UHRF2: variants seen among roughly 807,000 people sequenced by gnomAD.
The protein encoded by UHRF2 is ubiquitin like with PHD and ring finger domains 2.
In UHRF2, 23 loss-of-function variants were observed where a neutral mutation model predicts 96.8. The ratio of observed to expected loss-of-function variants is 0.24; its 90% CI spans 0.17 to 0.34. UHRF2 has a LOEUF of 0.34. Ranked by LOEUF, UHRF2 falls within the 10% of genes least tolerant of loss-of-function variation. The probability of loss-of-function intolerance (pLI) is 1.00; values close to 1 mark genes in which losing one functional copy is unlikely to be tolerated. For missense variants in UHRF2, 685 were observed against 981.5 expected (o/e 0.70, Z 4.04); for synonymous variants, 385 against 332.6 (o/e 1.16, Z -1.72).
chr9:6,461,262 A>G (rs558146869), intron 4 of UHRF2, among the ~76,000 whole-genome samples: 3 of 151,988 alleles, frequency 2.0e-5, no homozygotes, highest in African/African-American at 7.2e-5. Flanking sequence ...AGAATGCAAA[A>G]TGTCACCTGA....
Position 6,433,851 on chromosome 9 carries a change from AT to A in UHRF2, c.385-61del, listed in dbSNP as rs1255680625. The A allele has an allele frequency of 3.2e-6, 5 of 1,540,634 alleles. 1 individual carries two copies. The highest frequency in any genetic ancestry group is 4.4e-6 in the Non-Finnish European group (5 of 1,136,970). On this transcript the variant is annotated intron_variant, in intron 2 of 15. Transcript: ENST00000276893. ...ATAACCCACAAATAACTTGAGTTAC[AT>A]TAAGGTTTTTGAAGCAGTAGACAAA...
intron 9 of UHRF2, among the ~76,000 whole-genome samples, chr9:6,488,801 G>GT (rs1319985771): frequency 7.8e-4 from 111 of 141,928 alleles, no homozygotes; most frequent in Admixed American, 2.4e-3. Flanking sequence ...CGTGCTGAGT[G>GT]TTTTTTTTTT....
At chr9:6,416,362 C>G (rs937989704) in intron 1 of UHRF2, among the ~76,000 whole-genome samples, 5 of 151,952 alleles carry the variant, frequency 3.3e-5, no homozygotes, top group African/African-American at 7.3e-5. Flanking sequence ...GCTACCGTGC[C>G]CAGCCTTGAC....
chr9:6,490,938 C>G (rs1824618332), intron 9 of UHRF2, among the ~76,000 whole-genome samples: 2 of 152,274 alleles, frequency 1.3e-5, no homozygotes, highest in Non-Finnish European at 2.9e-5. Context: ...CCTGAATAAG[C>G]TTTTCACATT....
chr9:6,414,510 G>T (rs1223970762), intron 1 of UHRF2, among the ~76,000 whole-genome samples: 1 of 152,132 alleles, frequency 6.6e-6, no homozygotes, highest in Non-Finnish European at 1.5e-5. Context: ...GCCAGTCTAA[G>T]TTTTTTTCCT....
chr9:6,503,237 C>G (rs987192720), intron 14 of UHRF2, among the ~76,000 whole-genome samples: 1 of 152,096 alleles, frequency 6.6e-6, no homozygotes, highest in Admixed American at 6.6e-5. Context: ...CTCAAATGAT[C>G]CACCCGCCTC....
At chr9:6,456,589 G>A (rs1456585333) in intron 3 of UHRF2, among the ~76,000 whole-genome samples, 3 of 152,080 alleles carry the variant, frequency 2.0e-5, no homozygotes, top group Non-Finnish European at 2.9e-5. Context: ...TTGGTGTTTT[G>A]GACATGGAGT....
At chr9:6,421,274 A>C in intron 2 of UHRF2, 132 bp downstream of exon 2, 1 of 715,680 alleles carries the variant, frequency 1.4e-6, no homozygotes, top group East Asian at 2.7e-5. Context: ...CATAACTTTT[A>C]AAAGTAGTCT....
intron 1 of UHRF2, among the ~76,000 whole-genome samples, chr9:6,418,344 A>T (rs145804927): frequency 3.1e-4 from 46 of 149,992 alleles, no homozygotes; most frequent in African/African-American, 1.1e-3. Flanking sequence ...GACTTGGAAT[A>T]CTACTTTGGC....
intron 2 of UHRF2, among the ~76,000 whole-genome samples, chr9:6,425,546 G>A (rs1820207332): frequency 6.6e-6 from 1 of 152,072 alleles, no homozygotes; most frequent in East Asian, 1.9e-4. Context: ...CTACAGGTCA[G>A]GAGTTTGAGA....
chr9:6,472,293 A>G (rs552315289), intron 4 of UHRF2, among the ~76,000 whole-genome samples: 19 of 152,364 alleles, frequency 1.2e-4, no homozygotes, highest in Admixed American at 1.2e-3. Context: ...TAGGAAATTT[A>G]TCTTATGAAA....
chr9:6,448,236 A>C (rs1351287786), intron 3 of UHRF2, among the ~76,000 whole-genome samples: 1 of 152,240 alleles, frequency 6.6e-6, no homozygotes, highest in Non-Finnish European at 1.5e-5. Context: ...AGATAAATTA[A>C]TGATAGGTAC....
At chr9:6,480,966 T>C (rs1823889200) in intron 6 of UHRF2, among the ~76,000 whole-genome samples, 1 of 152,210 alleles carries the variant, frequency 6.6e-6, no homozygotes, top group Non-Finnish European at 1.5e-5. Flanking sequence ...AATTGGGCAG[T>C]AGCCATTAGA....
intron 9 of UHRF2, 24 bp downstream of exon 9, chr9:6,486,949 C>T (rs1316185055): frequency 1.2e-6 from 2 of 1,604,172 alleles, no homozygotes; most frequent in Non-Finnish European, 1.7e-6. Flanking sequence ...CAACCTTACT[C>T]ATTAGTACCT....
intron 4 of UHRF2, among the ~76,000 whole-genome samples, chr9:6,467,323 T>G (rs1160253455): frequency 6.6e-6 from 1 of 152,176 alleles, no homozygotes; most frequent in Non-Finnish European, 1.5e-5. Flanking sequence ...CTCCTCTGCC[T>G]CCCCTTCCCC....
intron 3 of UHRF2, among the ~76,000 whole-genome samples, chr9:6,447,928 A>G (rs1374023860): frequency 4.0e-5 from 6 of 150,634 alleles, no homozygotes; most frequent in Admixed American, 4.0e-4. Context: ...GAATAGAACT[A>G]AAAACAAGAG....
At chr9:6,489,071 A>G (rs573999720) in intron 9 of UHRF2, among the ~76,000 whole-genome samples, 30 of 152,248 alleles carry the variant, frequency 2.0e-4, no homozygotes, top group African/African-American at 7.0e-4. Flanking sequence ...CAGCCTCCCA[A>G]AGTGCTGGGA....
intron 1 of UHRF2, among the ~76,000 whole-genome samples, chr9:6,417,991 T>C (rs1819709840): frequency 6.6e-6 from 1 of 152,216 alleles, no homozygotes; most frequent in Non-Finnish European, 1.5e-5. Flanking sequence ...TCTTCATTTT[T>C]GGAAATATGC....
intron 3 of UHRF2, 118 bp downstream of exon 3, chr9:6,434,291 A>T (rs1046944827): frequency 1.5e-6 from 2 of 1,303,998 alleles, no homozygotes; most frequent in South Asian, 3.3e-5. Context: ...GGTTATGTTC[A>T]TTTGTTACTT....
Sources: gnomAD v4.1 joint callset for allele counts (sites outside exome capture counted in the v4.1 genomes callset) on GRCh38, gnomAD v4.1.1 for gene constraint, MANE v1.5 for transcripts, NCBI Gene and HGNC (gene_info 2026-07-23, HGNC 2026-07-21) for gene names.